The following OSBP2 variants were observed in gnomAD, a reference collection of about 807,000 sequenced individuals.
The protein encoded by OSBP2 is oxysterol binding protein 2.
Under a neutral mutation model 96.0 loss-of-function variants are expected in OSBP2, and 66 were observed. The observed-to-expected ratio is 0.69, with a 90% CI of 0.56 to 0.84. OSBP2 has a LOEUF of 0.84. OSBP2 is among the 40% of genes least tolerant of loss of function. The probability of loss-of-function intolerance (pLI) is 0.00; values close to 1 mark genes in which losing one functional copy is unlikely to be tolerated. For synonymous variants in OSBP2, 525 were observed against 520.9 expected (o/e 1.01, Z -0.11); for missense variants, 1,038 against 1,222.7 (o/e 0.85, Z 2.25).
Position 30,887,472 on chromosome 22 carries a change from G to T in OSBP2, c.1154G>T (p.Trp385Leu), listed in dbSNP as rs1423600236. The T allele has an allele frequency of 6.2e-7, 1 of 1,613,882 alleles. No homozygotes were observed. The highest frequency in any genetic ancestry group is 1.1e-5 in the South Asian group (1 of 91,074). Residue 385 changes from tryptophan (W) to leucine (L), a missense_variant, in exon 4 of 14, where the codon TGG (tryptophan) becomes TTG (leucine). Coordinates refer to ENST00000332585, the MANE Select transcript of OSBP2 (RefSeq NM_030758.4). ...LELAEIHSRKWQRALQYEQEQ... is the reference protein window; with the variant it reads ...LELAEIHSRKLQRALQYEQEQ... ...CTAGCAGAGATACACAGTCGGAAAT[G>T]GCAGCGGGCACTGCAGTATGAGCAG...
intron 2 of OSBP2, among the ~76,000 whole-genome samples, chr22:30,764,005 T>G (rs2090239115): frequency 6.6e-6 from 1 of 152,206 alleles, no homozygotes; most frequent in Non-Finnish European, 1.5e-5. Flanking sequence ...ACCAGCAGGT[T>G]GGCTGGCTTG....
chr22:30,778,561 C>CT, intron 2 of OSBP2, among the ~76,000 whole-genome samples: 3 of 152,074 alleles, frequency 2.0e-5, no homozygotes, highest in Non-Finnish European at 4.4e-5. Context: ...TTGGAGCTCC[C>CT]TTTTGTTGGT....
chr22:30,840,812 G>GT (rs112395064), intron 2 of OSBP2, among the ~76,000 whole-genome samples: 9,224 of 146,512 alleles, frequency 0.063, 287 homozygotes, highest in Non-Finnish European at 0.068. Flanking sequence ...TAGTTTTAGT[G>GT]TTTTTTTTTT....
At chr22:30,712,016 T>C (rs1330014239) in intron 1 of OSBP2, among the ~76,000 whole-genome samples, 1 of 152,050 alleles carries the variant, frequency 6.6e-6, no homozygotes, top group East Asian at 1.9e-4. Context: ...ACACGAAAGG[T>C]GCAGGCCAAC....
Position 30,780,592 on chromosome 22 carries a change from G to T in OSBP2, c.853+39223G>T, listed in dbSNP as rs557831473. Among the ~76,000 whole-genome samples the T allele has an allele frequency of 2.6e-5, 4 of 152,286 alleles. No individual in the cohort carries two copies. The East Asian group carries it at 7.7e-4, about 29-fold the overall frequency. The stretch of plus-strand genomic sequence containing the variant: ...AGCCCACTGCAACCTCCACCTCCCG[G>T]GTTCAAGCAATGCTTATGCCACAGC... On this transcript the variant is annotated intron_variant, in intron 2 of 13. Coordinates refer to ENST00000332585, the MANE Select transcript of OSBP2 (RefSeq NM_030758.4).
chr22:30,840,609 A>T (rs969231776), intron 2 of OSBP2, among the ~76,000 whole-genome samples: 5 of 152,218 alleles, frequency 3.3e-5, no homozygotes, highest in Non-Finnish European at 7.3e-5. Context: ...CCTATGTCTT[A>T]TCTGTAAGAT....
At chr22:30,773,398 C>T (rs1045833994) in intron 2 of OSBP2, among the ~76,000 whole-genome samples, 1 of 152,156 alleles carries the variant, frequency 6.6e-6, no homozygotes, top group African/African-American at 2.4e-5. Context: ...AGGTCAGCTT[C>T]CCACGTAGTG....
chr22:30,851,210 C>T lies in OSBP2; in HGVS notation c.854-19219C>T, dbSNP rs191098982. On this transcript the variant is annotated intron_variant, in intron 2 of 13. Coordinates refer to ENST00000332585, the MANE Select transcript of OSBP2 (RefSeq NM_030758.4). Reference sequence around the variant, plus strand: ...CTGAGTAGCTAGAATTACAGGCATGCGCCACGCATACATGGCTAATTTTTG... The same window carrying T: ...CTGAGTAGCTAGAATTACAGGCATGTGCCACGCATACATGGCTAATTTTTG... Among the ~76,000 whole-genome samples the T allele has an allele frequency of 1.1e-4, 17 of 151,464 alleles. No homozygotes were observed. In the South Asian group the frequency reaches 1.9e-3, roughly 17 times the overall value.
At chr22:30,874,369 G>A (rs1297770884) in intron 3 of OSBP2, among the ~76,000 whole-genome samples, 6 of 151,830 alleles carry the variant, frequency 4.0e-5, no homozygotes, top group Non-Finnish European at 7.4e-5. Context: ...CCAAGATCAC[G>A]CCACTGCACT....
chr22:30,904,512 T>G (rs540459881), intron 12 of OSBP2, among the ~76,000 whole-genome samples: 3 of 152,296 alleles, frequency 2.0e-5, no homozygotes, highest in African/African-American at 7.2e-5. Context: ...CACAACACAT[T>G]CAGCTATATG....
chr22:30,887,584 C>T lies in OSBP2; in HGVS notation c.1266C>T (p.Gly422=), dbSNP rs376362279. 1.5e-5 allele frequency: 24 copies of T among 1,610,080 alleles called. No homozygotes were observed. Among genetic ancestry groups the T allele is most frequent in the Non-Finnish European group, 1.2e-5 (14 of 1,178,686 alleles). The change falls in exon 4 of 14, where the codon GGC becomes GGT. Residue 422 remains glycine (G), a synonymous_variant. Coordinates refer to ENST00000332585, the MANE Select transcript of OSBP2 (RefSeq NM_030758.4). ...SLERAFHSAP[G]RPANPSKSFI... is the part of the protein sequence containing the mutation. ...AGCGGGCCTTCCACAGTGCCCCTGG[C>T]CGGCCGGCCAACCCCTCCAAGAGCT... is the stretch of plus-strand genomic sequence containing the variant.
intron 2 of OSBP2, among the ~76,000 whole-genome samples, chr22:30,758,868 A>G (rs1446299899): frequency 6.6e-6 from 1 of 152,186 alleles, no homozygotes; most frequent in Non-Finnish European, 1.5e-5. Flanking sequence ...AAAAACAGGA[A>G]ATCACAGAAA....
intron 2 of OSBP2, among the ~76,000 whole-genome samples, chr22:30,814,193 C>T (rs1183816456): frequency 6.6e-6 from 1 of 152,120 alleles, no homozygotes; most frequent in East Asian, 1.9e-4. Flanking sequence ...CAAAATGCCA[C>T]AGCCTCGGTG....
At chr22:30,717,829 C>T (rs895373332) in intron 1 of OSBP2, among the ~76,000 whole-genome samples, 4 of 152,172 alleles carry the variant, frequency 2.6e-5, no homozygotes, top group South Asian at 2.1e-4. Flanking sequence ...TACTCTGACA[C>T]CTCAGTGACA....
chr22:30,763,234 C>A (rs1014874028), intron 2 of OSBP2, among the ~76,000 whole-genome samples: 1 of 152,190 alleles, frequency 6.6e-6, no homozygotes, highest in African/African-American at 2.4e-5. Flanking sequence ...TAAAATAATA[C>A]AGGTTCCCAA....
At position 30,762,478 on chromosome 22, in the gene OSBP2, C is replaced by T. The variant is rs550817459; in HGVS notation, c.853+21109C>T. The stretch of plus-strand genomic sequence containing the variant: ...CAGGGGGTGAACCCAGGAGGCAGAG[C>T]TTGCAGTGAGCTGAGATTGCACCAC... On this transcript the variant is annotated intron_variant, in intron 2 of 13. Coordinates refer to ENST00000332585, the MANE Select transcript of OSBP2 (RefSeq NM_030758.4). Among the ~76,000 whole-genome samples, 225 of 150,730 alleles carry T rather than the reference C, an allele frequency of 1.5e-3. 1 individual carries two copies. The highest frequency in any genetic ancestry group is 3.5e-3 in the Middle Eastern group (1 of 284).
intron 3 of OSBP2, among the ~76,000 whole-genome samples, chr22:30,885,874 G>A (rs982955229): frequency 2.0e-5 from 3 of 152,336 alleles, no homozygotes; most frequent in Admixed American, 6.5e-5. Flanking sequence ...CATCCTGACC[G>A]TGGGAGGCCA....
chr22:30,854,599 A>T (rs2039043265), intron 2 of OSBP2, among the ~76,000 whole-genome samples: 1 of 150,914 alleles, frequency 6.6e-6, no homozygotes. Flanking sequence ...GTGAGCCAAC[A>T]CACCCGCCCT....
At chr22:30,717,707 G>T (rs2089486733) in intron 1 of OSBP2, among the ~76,000 whole-genome samples, 1 of 152,202 alleles carries the variant, frequency 6.6e-6, no homozygotes, top group Admixed American at 6.5e-5. Context: ...GACACTTAGA[G>T]TCTCCTTATT....
Sources: gnomAD v4.1 joint callset for allele counts (sites outside exome capture counted in the v4.1 genomes callset) on GRCh38, gnomAD v4.1.1 for gene constraint, MANE v1.5 for transcripts, NCBI Gene and HGNC (gene_info 2026-07-23, HGNC 2026-07-21) for gene names.